Variants in EIF4G3 observed in about 807,000 individuals in gnomAD.
EIF4G3 encodes the protein eIF-4-gamma 3.
Under a neutral mutation model 186.4 loss-of-function variants are expected in EIF4G3, and 34 were observed. The ratio of observed to expected loss-of-function variants is 0.18; its 90% CI spans 0.14 to 0.24. The LOEUF (loss-of-function observed/expected upper bound fraction) is 0.24, where lower values mean the gene tolerates loss of function less well. Among genes scored for constraint, EIF4G3 ranks in the 10% least tolerant of loss-of-function variants. EIF4G3 has a pLI of 1.00. For missense variants in EIF4G3, 1,536 were observed against 1,948.5 expected (o/e 0.79, Z 3.99); for synonymous variants, 673 against 679.5 (o/e 0.99, Z 0.15).
chr1:21,073,333 A>C (rs775848877), intron 3 of EIF4G3, among the ~76,000 whole-genome samples: 5 of 152,170 alleles, frequency 3.3e-5, no homozygotes, highest in Non-Finnish European at 7.3e-5. Context: ...ATTCACATTT[A>C]AATTAATGAA....
At position 20,864,752 on chromosome 1, in the gene EIF4G3, A is replaced by G. The variant is rs763559718; in HGVS notation, c.2770-40T>C. The G allele has an allele frequency of 3.4e-6, 5 of 1,491,262 alleles. No homozygotes were observed. The South Asian group carries it at 5.8e-5, about 17-fold the overall frequency. 92.4% of individuals were successfully genotyped at this position (1,491,262 alleles called of 1,614,324 possible). A position where few individuals can be genotyped will look rare whatever the true frequency, so the allele number is the denominator to read the frequency against. On this transcript the variant is annotated intron_variant, in intron 21 of 36. Coordinates refer to ENST00000602326, the MANE Select transcript of EIF4G3 (RefSeq NM_001391906.1). ...GGAATAATAGCATCTTGATGATGAA[A>G]GTTGTACTGCACAATAAACACTGAG... is the stretch of plus-strand genomic sequence containing the variant.
chr1:20,901,494 G>T (rs1231883993), intron 15 of EIF4G3, among the ~76,000 whole-genome samples: 1 of 152,058 alleles, frequency 6.6e-6, no homozygotes, highest in Non-Finnish European at 1.5e-5. Flanking sequence ...TATAAAATGT[G>T]AAACTTTTTT....
intron 6 of EIF4G3, 58 bp from the exon 7 acceptor site, chr1:20,997,691 A>G (rs2082588614): frequency 1.4e-6 from 2 of 1,404,708 alleles, no homozygotes; most frequent in East Asian, 5.2e-5. Flanking sequence ...CAGAAACACC[A>G]CAACAAAAAC....
chr1:21,082,080 G>C (rs2095807014), intron 3 of EIF4G3, among the ~76,000 whole-genome samples: 1 of 151,212 alleles, frequency 6.6e-6, no homozygotes, highest in Non-Finnish European at 1.5e-5. Flanking sequence ...ACAAGTGTGA[G>C]CCACCGTGCC....
In EIF4G3 at chr1:20,883,093, A is replaced by C. The variant is rs536573260; in HGVS notation, c.2424+3108T>G. 2.0e-3 allele frequency among the ~76,000 whole-genome samples: 301 copies of C among 152,224 alleles called. 2 individuals carry two copies. Among genetic ancestry groups the C allele is most frequent in the African/African-American group, 6.7e-3 (279 of 41,526 alleles). The stretch of plus-strand genomic sequence containing the variant: ...TGAAACCCTGTCTCAAAAAAAAAAA[A>C]AACATTTCGCTATAACTAAATATCT... On this transcript the variant is annotated intron_variant, in intron 19 of 36. Transcript: ENST00000602326.
At chr1:20,896,758 C>G (rs1415964361) in intron 16 of EIF4G3, among the ~76,000 whole-genome samples, 2 of 152,148 alleles carry the variant, frequency 1.3e-5, no homozygotes, top group South Asian at 2.1e-4. Context: ...GTGCCCTATA[C>G]AGTGTACCAT....
chr1:20,957,775 A>AAAAC (rs1244554574), intron 12 of EIF4G3, among the ~76,000 whole-genome samples: 1 of 152,176 alleles, frequency 6.6e-6, no homozygotes, highest in African/African-American at 2.4e-5. Context: ...GAACAACTTT[A>AAAAC]TGCATACAAA....
intron 3 of EIF4G3, among the ~76,000 whole-genome samples, chr1:21,051,657 G>C (rs1420799436): frequency 1.3e-5 from 2 of 152,096 alleles, no homozygotes; most frequent in African/African-American, 4.8e-5. Flanking sequence ...TTTCAGACCA[G>C]CCTGTGCAAC....
intron 14 of EIF4G3, among the ~76,000 whole-genome samples, chr1:20,917,013 C>T (rs547075438): frequency 1.9e-4 from 29 of 152,300 alleles, no homozygotes; most frequent in African/African-American, 7.0e-4. Context: ...AAAATGACAG[C>T]TTATGTCCAT....
intron 30 of EIF4G3, 75 bp downstream of exon 30, chr1:20,840,781 G>C: frequency 7.4e-7 from 1 of 1,351,954 alleles, no homozygotes; most frequent in Non-Finnish European, 1.0e-6. Context: ...AATACTTAAA[G>C]AGGTAAGTAC....
chr1:20,926,777 A>G (rs2094929470), intron 14 of EIF4G3, among the ~76,000 whole-genome samples: 1 of 152,146 alleles, frequency 6.6e-6, no homozygotes, highest in African/African-American at 2.4e-5. Flanking sequence ...AAGACAAAAC[A>G]AAAACCCAAC....
intron 19 of EIF4G3, among the ~76,000 whole-genome samples, chr1:20,883,864 G>A (rs986274714): frequency 6.6e-6 from 1 of 152,134 alleles, no homozygotes; most frequent in Non-Finnish European, 1.5e-5. Flanking sequence ...TAAAAAGCTC[G>A]AATGGAAAGA....
chr1:21,056,871 T>A (rs1227648741), intron 3 of EIF4G3, among the ~76,000 whole-genome samples: 6 of 152,228 alleles, frequency 3.9e-5, no homozygotes, highest in Admixed American at 6.5e-5. Flanking sequence ...AAACAGACTG[T>A]TGTCTTTTCT....
intron 2 of EIF4G3, among the ~76,000 whole-genome samples, chr1:21,098,068 G>C (rs966617172): frequency 6.6e-6 from 1 of 151,986 alleles, no homozygotes; most frequent in Non-Finnish European, 1.5e-5. Context: ...TAGCAAGCAA[G>C]GCCTTGTCTC....
chr1:21,023,469 G>A (rs956263663), intron 4 of EIF4G3, among the ~76,000 whole-genome samples: 5 of 151,884 alleles, frequency 3.3e-5, no homozygotes, highest in East Asian at 1.9e-4. Flanking sequence ...TGTGTTGGCC[G>A]GGCCAGTCTC....
At chr1:20,856,855 G>A (rs1190858079) in intron 25 of EIF4G3, among the ~76,000 whole-genome samples, 2 of 152,052 alleles carry the variant, frequency 1.3e-5, no homozygotes, top group Admixed American at 1.3e-4. Context: ...TTCCTCTTTA[G>A]TAAATCCTTA....
chr1:21,047,802 A>G (rs1403198047), intron 4 of EIF4G3, among the ~76,000 whole-genome samples: 4 of 152,148 alleles, frequency 2.6e-5, no homozygotes, highest in Non-Finnish European at 5.9e-5. Flanking sequence ...AACCTAAAAA[A>G]AACTTGAGTT....
At chr1:21,079,590 A>C (rs1247974350) in intron 3 of EIF4G3, among the ~76,000 whole-genome samples, 3 of 151,720 alleles carry the variant, frequency 2.0e-5, no homozygotes, top group Non-Finnish European at 2.9e-5. Context: ...AGGCTAAGGC[A>C]AGAGTATCTC....
chr1:21,056,843 TTAAC>T (rs2094581322), intron 3 of EIF4G3, among the ~76,000 whole-genome samples: 1 of 152,232 alleles, frequency 6.6e-6, no homozygotes, highest in East Asian at 1.9e-4. Context: ...CAGCAACTAC[TTAAC>T]TACCTCCAAA....
Sources: gnomAD v4.1 joint callset for allele counts (sites outside exome capture counted in the v4.1 genomes callset) on GRCh38, gnomAD v4.1.1 for gene constraint, MANE v1.5 for transcripts, NCBI Gene and HGNC (gene_info 2026-07-23, HGNC 2026-07-21) for gene names.